The following DNAH3 variants were observed in gnomAD, a reference collection of about 807,000 sequenced individuals.
DNAH3 encodes the protein dynein axonemal heavy chain 3.
Under a neutral mutation model 432.5 loss-of-function variants are expected in DNAH3, and 332 were observed. That is an observed-to-expected ratio of 0.77 (90% CI 0.70 to 0.84). DNAH3 has a LOEUF of 0.84. Among genes scored for constraint, DNAH3 ranks in the 40% least tolerant of loss-of-function variants. The pLI is 0.00. For missense variants in DNAH3, 4,861 were observed against 5,114.0 expected (o/e 0.95, Z 1.51); for synonymous variants, 1,956 against 1,900.2 (o/e 1.03, Z -0.76).
rs769954340 is a variant in DNAH3 at position 21,111,844 on chromosome 16, G to A, written c.1921-40C>T. On this transcript the variant is annotated intron_variant, in intron 13 of 61. Transcript: ENST00000261383. Reference sequence around the variant, plus strand: ...ACATTCAGTAGCTTGATTTGCCCTTGAGCCTCTCCCACTTGCCCCCAGCCT... The same window carrying A: ...ACATTCAGTAGCTTGATTTGCCCTTAAGCCTCTCCCACTTGCCCCCAGCCT... The A allele has an allele frequency of 4.4e-6, 7 of 1,602,142 alleles. No homozygotes were observed. The South Asian group carries it at 4.4e-5, about 10-fold the overall frequency.
intron 21 of DNAH3, among the ~76,000 whole-genome samples, chr16:21,071,882 C>T (rs2152763592): frequency 6.6e-6 from 1 of 152,210 alleles, no homozygotes; most frequent in East Asian, 1.9e-4. Flanking sequence ...CTCTCCTTTC[C>T]CTTGGGTAGG....
chr16:21,022,323 C>T (rs796825872), intron 39 of DNAH3, among the ~76,000 whole-genome samples: 9 of 152,328 alleles, frequency 5.9e-5, no homozygotes, highest in South Asian at 2.1e-4. Context: ...GTTTCCCATC[C>T]GCATTCCACT....
At chr16:20,933,273 T>C (rs771419677) in exon 62 of DNAH3, 3 of 1,614,042 alleles carry the variant, frequency 1.9e-6, no homozygotes, top group Non-Finnish European at 2.5e-6. Context: ...GTGGAGAGGG[T>C]TCCTCTGCGG....
At chr16:20,970,074 G>A (rs2085269263) in intron 51 of DNAH3, 84 bp from the exon 52 acceptor site, 2 of 1,290,716 alleles carry the variant, frequency 1.5e-6, no homozygotes, top group African/African-American at 1.5e-5. Flanking sequence ...CCTACATGAG[G>A]AAGAAGGAAG....
chr16:21,083,418 G>A (rs149404025), intron 19 of DNAH3, among the ~76,000 whole-genome samples: 202 of 152,262 alleles, frequency 1.3e-3, no homozygotes, highest in Admixed American at 2.9e-3. Context: ...GAGTGTTATA[G>A]GCACATGATG....
intron 15 of DNAH3, 80 bp downstream of exon 15, chr16:21,106,410 T>A (rs2091947602): frequency 8.8e-7 from 1 of 1,139,636 alleles, no homozygotes; most frequent in Non-Finnish European, 1.2e-6. Context: ...ACATATAGAC[T>A]ATTTGAAATG....
chr16:20,962,454 C>A (rs1397362860), intron 53 of DNAH3, among the ~76,000 whole-genome samples: 2 of 152,178 alleles, frequency 1.3e-5, no homozygotes, highest in Non-Finnish European at 2.9e-5. Context: ...ACTGTCACAT[C>A]AGGTGAAAAG....
At chr16:21,141,397 T>A in intron 3 of DNAH3, 25 bp from the exon 5 acceptor site, 1 of 1,551,186 alleles carries the variant, frequency 6.4e-7, no homozygotes, top group Non-Finnish European at 8.8e-7. Context: ...AAGAAAGACA[T>A]CAGTGATGGG....
chr16:21,036,776 T>A, exon 35 of DNAH3: 1 of 1,613,516 alleles, frequency 6.2e-7, no homozygotes, highest in Non-Finnish European at 8.5e-7. Context: ...ATGTTATCAT[T>A]CAGCACTTTC....
At chr16:20,999,507 G>A (rs1266676044) in intron 43 of DNAH3, among the ~76,000 whole-genome samples, 2 of 152,074 alleles carry the variant, frequency 1.3e-5, no homozygotes, top group Non-Finnish European at 2.9e-5. Flanking sequence ...AGAAGTGTGG[G>A]GCATTACTAT....
chr16:21,122,001 C>T (rs139913263), exon 10 of DNAH3: 29 of 1,613,696 alleles, frequency 1.8e-5, no homozygotes, highest in Non-Finnish European at 1.1e-5. Flanking sequence ...CGTATTAATT[C>T]CCAGCAGCCA....
intron 48 of DNAH3, among the ~76,000 whole-genome samples, chr16:20,983,113 T>A (rs534814029): frequency 3.3e-5 from 5 of 152,096 alleles, no homozygotes; most frequent in African/African-American, 4.8e-5. Context: ...AGCCCCTTTT[T>A]AAAAAAAATT....
intron 31 of DNAH3, among the ~76,000 whole-genome samples, chr16:21,047,760 TAG>T (rs1317342628): frequency 6.6e-6 from 1 of 151,880 alleles, no homozygotes; most frequent in East Asian, 1.9e-4. Flanking sequence ...CTCTGCTTTT[TAG>T]AGTTTCCAGT....
In DNAH3 at chr16:20,982,706, G is replaced by A. The variant is rs1042885830; in HGVS notation, c.7859+15C>T. On this transcript the variant is annotated intron_variant, in intron 49 of 61. Transcript: ENST00000261383. ...TTTGGAATATCTAGAGTCCTAAAAT[G>A]CAATCAACACTTACTCTACCCGAAT... The A allele has an allele frequency of 8.7e-6, 14 of 1,606,560 alleles. No individual in the cohort carries two copies. The highest frequency in any genetic ancestry group is 1.7e-5 in the Admixed American group (1 of 59,428).
At chr16:21,118,632 G>A (rs2092263301) in intron 11 of DNAH3, among the ~76,000 whole-genome samples, 1 of 152,004 alleles carries the variant, frequency 6.6e-6, no homozygotes, top group Non-Finnish European at 1.5e-5. Context: ...TACAGACAGG[G>A]GCTCTCTCTA....
chr16:20,943,897 T>C (rs149407594), intron 58 of DNAH3, among the ~76,000 whole-genome samples: 16,858 of 151,894 alleles, frequency 0.11, 1,035 homozygotes, highest in African/African-American at 0.16. Context: ...GGCAGGAGAA[T>C]TGCTTGAGCC....
At chr16:20,942,589 A>G (rs1250703367) in intron 58 of DNAH3, among the ~76,000 whole-genome samples, 2 of 152,162 alleles carry the variant, frequency 1.3e-5, no homozygotes, top group Non-Finnish European at 2.9e-5. Flanking sequence ...TACAGTTGGG[A>G]GGGGTTAAAC....
chr16:21,040,026 AG>A, intron 32 of DNAH3, 83 bp from the exon 33 acceptor site: 2 of 1,166,506 alleles, frequency 1.7e-6, no homozygotes, highest in Non-Finnish European at 2.6e-6. Context: ...AAAGGGAAGT[AG>A]CTTTGCTTCA....
At chr16:20,972,904 C>T (rs2152642129) in intron 51 of DNAH3, among the ~76,000 whole-genome samples, 1 of 151,682 alleles carries the variant, frequency 6.6e-6, no homozygotes, top group East Asian at 2.0e-4. Flanking sequence ...AATTTTTATT[C>T]TTTTAGTAGA....
Sources: gnomAD v4.1 joint callset for allele counts (sites outside exome capture counted in the v4.1 genomes callset) on GRCh38, gnomAD v4.1.1 for gene constraint, MANE v1.5 for transcripts, NCBI Gene and HGNC (gene_info 2026-07-23, HGNC 2026-07-21) for gene names.